Variants in SBNO2 observed in about 807,000 individuals in gnomAD.
The protein encoded by SBNO2 is strawberry notch homolog 2.
SBNO2 carries 89 observed loss-of-function variants against 146.3 expected under a neutral mutation model. That is an observed-to-expected ratio of 0.61 (90% confidence interval 0.51 to 0.73). The LOEUF (loss-of-function observed/expected upper bound fraction) is 0.73, where lower values mean the gene tolerates loss of function less well. Among genes scored for constraint, SBNO2 ranks in the 30% least tolerant of loss-of-function variants. The pLI is 0.00. For synonymous variants in SBNO2, 1,147 were observed against 892.6 expected (o/e 1.29, Z -5.08); for missense variants, 2,092 against 2,003.7 (o/e 1.04, Z -0.84).
In SBNO2 at chr19:1,149,446, G is replaced by A; in HGVS notation, c.94-4C>T. On this transcript the variant is annotated splice_region_variant and splice_polypyrimidine_tract_variant and intron_variant, in intron 2 of 31. Coordinates refer to ENST00000361757, the MANE Select transcript of SBNO2 (RefSeq NM_014963.3). ...AGGGGCAGTGCAGCATGGCGCTCTA[G>A]AAGAGACAGCGGGCATCAGTGAGTG... 16 of 1,551,312 alleles carry A rather than the reference G, an allele frequency of 1.0e-5. No homozygotes were observed. The highest frequency in any genetic ancestry group is 1.4e-5 in the Non-Finnish European group (16 of 1,147,506).
intron 1 of SBNO2, among the ~76,000 whole-genome samples, chr19:1,160,475 C>T (rs1264834891): frequency 1.3e-5 from 2 of 152,182 alleles, no homozygotes; most frequent in Admixed American, 6.5e-5. Context: ...TGGGGAGACC[C>T]GGGGGAGGAC....
intron 4 of SBNO2, among the ~76,000 whole-genome samples, chr19:1,135,110 C>T (rs913091816): frequency 1.5e-4 from 23 of 149,870 alleles, no homozygotes; most frequent in East Asian, 5.9e-4. Flanking sequence ...CCTGCCATCC[C>T]GGCACTTTGG....
intron 4 of SBNO2, among the ~76,000 whole-genome samples, chr19:1,130,236 A>G (rs2080013115): frequency 6.6e-6 from 1 of 152,206 alleles, no homozygotes; most frequent in Non-Finnish European, 1.5e-5. Flanking sequence ...ATCAGCCGTG[A>G]CAGCCACAGA....
intron 1 of SBNO2, among the ~76,000 whole-genome samples, chr19:1,161,754 G>A (rs2080347251): frequency 6.6e-6 from 1 of 151,998 alleles, no homozygotes; most frequent in Non-Finnish European, 1.5e-5. Flanking sequence ...TATCAGAACT[G>A]CGTAGGGAGC....
Position 1,109,401 on chromosome 19 carries a change from C to A in SBNO2, c.3239G>T (p.Cys1080Phe). ...GCCGCGGTTCTGCTCCGCCAGCAGGCAGCTGGGCTTGTTACCGCGGACCTG... is the reference window on the plus strand; with the variant it reads ...GCCGCGGTTCTGCTCCGCCAGCAGGAAGCTGGGCTTGTTACCGCGGACCTG... ...SYKVRGNKPS[C>F]LLAEQNRGQF... Residue 1080 changes from cysteine (C) to phenylalanine (F), a missense_variant, in exon 29 of 32, where the codon TGC becomes TTC. Physicochemically the swap from Cys to Phe is radical, Grantham distance 205. Transcript: ENST00000361757. The surrounding 1 kb of genome is among the most constrained non-coding windows in gnomAD (Gnocchi z 4.2). The A allele has an allele frequency of 6.4e-7, 1 of 1,568,936 alleles. No homozygotes were observed. Among genetic ancestry groups the A allele is most frequent in the Non-Finnish European group, 8.6e-7 (1 of 1,157,956 alleles).
intron 1 of SBNO2, among the ~76,000 whole-genome samples, chr19:1,162,089 C>T (rs984504828): frequency 2.0e-5 from 3 of 147,998 alleles, no homozygotes; most frequent in Non-Finnish European, 3.0e-5. Context: ...TTGTGGGGGA[C>T]ACAGGGCTCA....
chr19:1,152,383 G>C (rs532439585), intron 2 of SBNO2, among the ~76,000 whole-genome samples: 2 of 152,272 alleles, frequency 1.3e-5, no homozygotes, highest in South Asian at 4.2e-4. Flanking sequence ...CTCCCTCCTG[G>C]ATTAGTCCCC....
Position 1,110,693 on chromosome 19 carries a change from A to G in SBNO2, c.3028+52T>C. 1 of 1,571,856 alleles carries G rather than the reference A, an allele frequency of 6.4e-7. No homozygotes were observed. Among genetic ancestry groups the G allele is most frequent in the Non-Finnish European group, 8.7e-7 (1 of 1,154,414 alleles). On this transcript the variant is annotated intron_variant, in intron 26 of 31. Coordinates refer to ENST00000361757, the MANE Select transcript of SBNO2 (RefSeq NM_014963.3). This position sits in a 1 kb window ranked among gnomAD's most constrained non-coding sequence, Gnocchi z 4.9. ...CCCACCCAGGATGCATGGCGTTCCC[A>G]CGAGCCCCGCACCCACACCCACCCA...
chr19:1,138,754 T>TG (rs1434788810), intron 4 of SBNO2, among the ~76,000 whole-genome samples: 8 of 135,262 alleles, frequency 5.9e-5, no homozygotes, highest in African/African-American at 2.3e-4. Flanking sequence ...ACAGACACAG[T>TG]TGGTCCTCCA....
At position 1,157,643 on chromosome 19, in the gene SBNO2, G is replaced by A. The variant is rs62131228; in HGVS notation, c.-126-3241C>T. ...CTTTATCAGCACGCTGACACCCAGA[G>A]GGGATGTGGCTTCCTTCTGAAATCA... On this transcript the variant is annotated intron_variant, in intron 1 of 31. Coordinates refer to ENST00000361757, the MANE Select transcript of SBNO2 (RefSeq NM_014963.3). This position sits in a 1 kb window ranked among gnomAD's most constrained non-coding sequence, Gnocchi z 6.8. Among the ~76,000 whole-genome samples, 2,341 of 152,332 alleles carry A rather than the reference G, an allele frequency of 0.015. 43 individuals carry two copies. Among genetic ancestry groups the A allele is most frequent in the Non-Finnish European group, 0.023 (1,552 of 68,016 alleles).
chr19:1,167,496 T>C (rs181042414), intron 1 of SBNO2, among the ~76,000 whole-genome samples: 1 of 152,206 alleles, frequency 6.6e-6, no homozygotes, highest in Non-Finnish European at 1.5e-5. Context: ...GAGGCCCCAC[T>C]TCCCTGCTTT....
intron 14 of SBNO2, among the ~76,000 whole-genome samples, chr19:1,118,683 A>G (rs2079861504): frequency 6.6e-6 from 1 of 152,242 alleles, no homozygotes; most frequent in Admixed American, 6.5e-5. Flanking sequence ...AACCTGGCCA[A>G]CATGGAGAAA....
intron 1 of SBNO2, among the ~76,000 whole-genome samples, chr19:1,159,749 C>T (rs1433576476): frequency 7.7e-5 from 7 of 90,460 alleles, no homozygotes; most frequent in African/African-American, 3.2e-4. Flanking sequence ...AACAGGGAGA[C>T]AGCGGGGAGA....
At chr19:1,127,038 A>G (rs968217917) in intron 5 of SBNO2, among the ~76,000 whole-genome samples, 1 of 151,834 alleles carries the variant, frequency 6.6e-6, no homozygotes, top group African/African-American at 2.4e-5. Flanking sequence ...CCAGCTCCCC[A>G]CCCTGGGACA....
Position 1,158,072 on chromosome 19 carries a change from C to A in SBNO2, c.-126-3670G>T, listed in dbSNP as rs1163579220. ...GAGTCCGGGTAACTGCGGCCGCCTCCCGCCTCTTTCTTCTGAGCCTGCTGA... is the reference window on the plus strand; with the variant it reads ...GAGTCCGGGTAACTGCGGCCGCCTCACGCCTCTTTCTTCTGAGCCTGCTGA... On this transcript the variant is annotated intron_variant, in intron 1 of 31. Coordinates refer to ENST00000361757, the MANE Select transcript of SBNO2 (RefSeq NM_014963.3). The surrounding 1 kb of genome is among the most constrained non-coding windows in gnomAD (Gnocchi z 9.9). 1.3e-5 allele frequency among the ~76,000 whole-genome samples: 2 copies of A among 150,486 alleles called. No homozygotes were observed. Among genetic ancestry groups the A allele is most frequent in the Non-Finnish European group, 3.0e-5 (2 of 66,938 alleles).
rs1213687176 is a variant in SBNO2 at position 1,144,575 on chromosome 19, CAG to C, written c.279+2732_279+2733del. 6.7e-6 allele frequency among the ~76,000 whole-genome samples: 1 copy of C among 150,104 alleles called. No individual in the cohort carries two copies. The highest frequency in any genetic ancestry group is 1.5e-5 in the Non-Finnish European group (1 of 67,504). Reference sequence around the variant, plus strand: ...ATGGAGAGAGACAGAGACAGGGAGACAGAGACGCAGAGACATAGAGACATAGA... The same window carrying C: ...ATGGAGAGAGACAGAGACAGGGAGACAGACGCAGAGACATAGAGACATAGA... On this transcript the variant is annotated intron_variant, in intron 4 of 31. Coordinates refer to ENST00000361757, the MANE Select transcript of SBNO2 (RefSeq NM_014963.3). The surrounding 1 kb of genome is among the most constrained non-coding windows in gnomAD (Gnocchi z 4.1).
intron 1 of SBNO2, among the ~76,000 whole-genome samples, chr19:1,164,577 G>A (rs2080386898): frequency 8.0e-6 from 1 of 125,390 alleles, no homozygotes; most frequent in Admixed American, 8.2e-5. Flanking sequence ...ACTGTGGGGT[G>A]TCCCAGATGC....
At chr19:1,132,235 CGGACGGGGG>C in intron 4 of SBNO2, 2 of 1,301,984 alleles carry the variant, frequency 1.5e-6, no homozygotes, top group Non-Finnish European at 2.0e-6. Flanking sequence ...TCGGCCGGGG[CGGACGGGGG>C]CGGCTCTCCG....
chr19:1,117,286 C>CGGCCGCCCTCA (rs1374833933), intron 15 of SBNO2, 37 bp downstream of exon 15: 2 of 1,532,530 alleles, frequency 1.3e-6, no homozygotes, highest in African/African-American at 1.4e-5. Context: ...CCTGCAGGCC[C>CGGCCGCCCTCA]GGCCGCCCTC....
Sources: allele counts gnomAD v4.1 joint callset (sites outside exome capture counted in the v4.1 genomes callset), GRCh38; gene constraint gnomAD v4.1.1; non-coding constraint Gnocchi (gnomAD v3.1); transcripts MANE v1.5; gene names NCBI Gene and HGNC (gene_info 2026-07-23, HGNC 2026-07-21).